CEMIP2: variants seen among roughly 807,000 people sequenced by gnomAD.
CEMIP2 encodes cell migration inducing hyaluronidase 2.
CEMIP2 carries 79 observed loss-of-function variants against 146.9 expected under a neutral mutation model. The ratio of observed to expected loss-of-function variants is 0.54; its 90% CI spans 0.45 to 0.65. The LOEUF (loss-of-function observed/expected upper bound fraction) is 0.65. CEMIP2 is among the 30% of genes least tolerant of loss of function. The pLI is 0.00. For synonymous variants in CEMIP2, 601 were observed against 606.3 expected, an observed-to-expected ratio of 0.99 and a Z score of 0.13; for missense variants, 1,596 against 1,696.2, an observed-to-expected ratio of 0.94 and a Z score of 1.04.
intron 1 of CEMIP2, among the ~76,000 whole-genome samples, chr9:71,752,862 T>A (rs957136510): frequency 2.0e-5 from 3 of 152,092 alleles, no homozygotes; most frequent in Non-Finnish European, 4.4e-5. Context: ...TGATGCTGAT[T>A]TTACATGGGG....
At chr9:71,728,799 C>T (rs530647899) in intron 10 of CEMIP2, among the ~76,000 whole-genome samples, 10,633 of 141,642 alleles carry the variant, frequency 0.075, 531 homozygotes, top group South Asian at 0.21. Flanking sequence ...AAGCTAAGGT[C>T]TTTTTTGTGG....
upstream of CEMIP2, chr9:71,768,678 C>A (rs891489334): frequency 2.0e-5 from 3 of 152,126 alleles, no homozygotes; most frequent in Non-Finnish European, 4.4e-5. Context: ...TTTCTCCGTT[C>A]CTTCCCCTCC....
chr9:71,725,384 C>T (rs917652893), intron 11 of CEMIP2, among the ~76,000 whole-genome samples, 197 bp downstream of exon 11: 1 of 152,154 alleles, frequency 6.6e-6, no homozygotes, highest in African/African-American at 2.4e-5. Flanking sequence ...CAAGAAGAAC[C>T]TTACCAAATG....
At chr9:71,721,728 T>C (rs532290698) in intron 12 of CEMIP2, among the ~76,000 whole-genome samples, 2 of 152,320 alleles carry the variant, frequency 1.3e-5, no homozygotes, top group South Asian at 4.1e-4. Context: ...GTCAATCAAT[T>C]TGAAGTATGG....
intron 1 of CEMIP2, among the ~76,000 whole-genome samples, chr9:71,766,138 G>C (rs552753766): frequency 6.7e-6 from 1 of 149,620 alleles, no homozygotes; most frequent in African/African-American, 2.5e-5. Flanking sequence ...GCACGATCTC[G>C]GCTCACTGCA....
chr9:71,752,164 A>G (rs753337059), intron 1 of CEMIP2, among the ~76,000 whole-genome samples: 4 of 151,894 alleles, frequency 2.6e-5, no homozygotes, highest in Non-Finnish European at 4.4e-5. Flanking sequence ...CCAGGACTTA[A>G]ACCTAGGTAT....
At chr9:71,702,971 A>G (rs1453515127) in intron 18 of CEMIP2, among the ~76,000 whole-genome samples, 1 of 152,236 alleles carries the variant, frequency 6.6e-6, no homozygotes, top group Non-Finnish European at 1.5e-5. Context: ...CTTATAGAGT[A>G]CTGATCACCC....
intron 1 of CEMIP2, among the ~76,000 whole-genome samples, chr9:71,756,955 C>T (rs1824478439): frequency 1.3e-5 from 2 of 152,204 alleles, no homozygotes; most frequent in African/African-American, 4.8e-5. Context: ...AGAAAGGCTT[C>T]TCAACACAGA....
At chr9:71,746,391 A>G in intron 2 of CEMIP2, 50 bp from the exon 3 acceptor site, 1 of 1,604,912 alleles carries the variant, frequency 6.2e-7, no homozygotes, top group Non-Finnish European at 8.5e-7. Context: ...CAGGAATAAT[A>G]TAGCCGAATC....
At chr9:71,709,165 T>A (rs1822834635) in intron 17 of CEMIP2, 94 bp downstream of exon 17, 2 of 1,159,132 alleles carry the variant, frequency 1.7e-6, no homozygotes, top group Non-Finnish European at 2.6e-6. Flanking sequence ...TTGGAAAATG[T>A]CAATCACACT....
intron 21 of CEMIP2, among the ~76,000 whole-genome samples, chr9:71,692,454 C>T (rs995846824): frequency 6.6e-6 from 1 of 150,814 alleles, no homozygotes; most frequent in Non-Finnish European, 1.5e-5. Flanking sequence ...CCTCATGCAA[C>T]TCCCACCAGT....
At chr9:71,763,774 G>C (rs1273631386) in intron 1 of CEMIP2, among the ~76,000 whole-genome samples, 1 of 152,226 alleles carries the variant, frequency 6.6e-6, no homozygotes, top group East Asian at 1.9e-4. Context: ...GGACTGATTT[G>C]TTGGGAGATA....
chr9:71,714,873 T>G, intron 15 of CEMIP2, 61 bp downstream of exon 15: 6 of 1,553,350 alleles, frequency 3.9e-6, no homozygotes, highest in Non-Finnish European at 5.2e-6. Flanking sequence ...GAAACTTCCC[T>G]GAGGGTTAGG....
chr9:71,764,364 CTAAT>C (rs1020368659), intron 1 of CEMIP2, among the ~76,000 whole-genome samples: 3 of 151,072 alleles, frequency 2.0e-5, no homozygotes, highest in African/African-American at 7.3e-5. Flanking sequence ...GATCATTAAA[CTAAT>C]TAAATTGCTA....
chr9:71,717,552 G>A (rs1284582984), intron 13 of CEMIP2, among the ~76,000 whole-genome samples: 2 of 152,116 alleles, frequency 1.3e-5, no homozygotes, highest in South Asian at 2.1e-4. Context: ...TTACTGAGTT[G>A]GAATTATAAA....
At chr9:71,746,155 T>C in intron 3 of CEMIP2, 46 bp downstream of exon 3, 1 of 1,591,194 alleles carries the variant, frequency 6.3e-7, no homozygotes, top group Non-Finnish European at 8.6e-7. Context: ...ATCCCCCACA[T>C]TAAAGAGCAA....
chr9:71,768,703 G>A (rs1219959750), upstream of CEMIP2: 1 of 152,224 alleles, frequency 6.6e-6, no homozygotes, highest in Non-Finnish European at 1.5e-5. Context: ...GAAAGAGGAG[G>A]AGAATCGTGG....
At chr9:71,695,853 C>T (rs1189304574) in intron 20 of CEMIP2, among the ~76,000 whole-genome samples, 1 of 152,002 alleles carries the variant, frequency 6.6e-6, no homozygotes, top group African/African-American at 2.4e-5. Flanking sequence ...TGGTGGTTCA[C>T]ATCTGTAATC....
intron 18 of CEMIP2, among the ~76,000 whole-genome samples, chr9:71,701,803 T>C (rs1372718053): frequency 3.9e-5 from 6 of 152,190 alleles, no homozygotes; most frequent in Admixed American, 1.3e-4. Context: ...CTTTTTATTA[T>C]AGTAAATATA....
Sources: gnomAD v4.1 joint callset for allele counts (sites outside exome capture counted in the v4.1 genomes callset) on GRCh38, gnomAD v4.1.1 for gene constraint, MANE v1.5 for transcripts, NCBI Gene and HGNC (gene_info 2026-07-23, HGNC 2026-07-21) for gene names.